The following URI1 variants were observed in gnomAD, a reference collection of about 807,000 sequenced individuals.
URI1 encodes the protein URI1 prefoldin like chaperone.
In URI1, 39 loss-of-function variants were observed where a neutral mutation model predicts 60.2. The observed-to-expected ratio is 0.65, with a 90% confidence interval of 0.50 to 0.85. URI1 has a LOEUF of 0.85. Ranked by LOEUF, URI1 falls within the 40% of genes least tolerant of loss-of-function variation. The pLI, the probability that URI1 is intolerant of heterozygous loss-of-function variation, is 0.00. For synonymous variants in URI1, 251 were observed against 236.8 expected (o/e 1.06, Z -0.55); for missense variants, 691 against 665.9 (o/e 1.04, Z -0.42).
chr19:29,940,593 G>A (rs1002197966), upstream of URI1, among the ~76,000 whole-genome samples: 2 of 151,994 alleles, frequency 1.3e-5, no homozygotes, highest in African/African-American at 4.8e-5. Context: ...AGGGTGCAGT[G>A]AGCCAAGATG....
intron 1 of URI1, among the ~76,000 whole-genome samples, chr19:29,926,086 CCTCTTTCT>C (rs757834584): frequency 4.0e-4 from 60 of 151,874 alleles, no homozygotes; most frequent in Non-Finnish European, 7.4e-4. Context: ...TTCCTTCCTT[CCTCTTTCT>C]CTCTTTCTTT....
intron 4 of URI1, among the ~76,000 whole-genome samples, chr19:29,997,915 C>T (rs571949557): frequency 3.3e-5 from 5 of 152,050 alleles, no homozygotes; most frequent in Non-Finnish European, 7.4e-5. Context: ...CAGGTGAGGG[C>T]TACCATGCCT....
At chr19:29,999,928 C>T (rs1417473923) in intron 4 of URI1, among the ~76,000 whole-genome samples, 1 of 151,368 alleles carries the variant, frequency 6.6e-6, no homozygotes, top group Non-Finnish European at 1.5e-5. Context: ...TTTTACTCTG[C>T]TCTTTTTATT....
At chr19:29,943,336 TTTCCTAGTGGG>T (rs2055056988) in intron 1 of URI1, among the ~76,000 whole-genome samples, 1 of 152,196 alleles carries the variant, frequency 6.6e-6, no homozygotes, top group Admixed American at 6.5e-5. Flanking sequence ...AAGTTTTGTG[TTTCCTAGTGGG>T]ACTTTATATA....
intron 4 of URI1, among the ~76,000 whole-genome samples, chr19:29,993,377 A>G (rs139563043): frequency 1.3e-5 from 2 of 152,310 alleles, no homozygotes; most frequent in African/African-American, 4.8e-5. Flanking sequence ...CAGAGAGTAA[A>G]ATGCACATAG....
intron 1 of URI1, among the ~76,000 whole-genome samples, chr19:29,950,421 T>C (rs1285353159): frequency 2.0e-5 from 3 of 152,260 alleles, no homozygotes; most frequent in Non-Finnish European, 4.4e-5. Context: ...GTCTGTCATA[T>C]GCAATTTTCC....
intron 1 of URI1, among the ~76,000 whole-genome samples, chr19:29,946,818 A>G (rs866587109): frequency 6.6e-6 from 1 of 152,352 alleles, no homozygotes; most frequent in South Asian, 2.1e-4. Flanking sequence ...ATGAGTATCT[A>G]CTACATGCCA....
intron 2 of URI1, 41 bp from the exon 3 acceptor site, chr19:29,985,178 GAAAA>G (rs753855664): frequency 5.0e-6 from 1 of 198,284 alleles, no homozygotes; most frequent in South Asian, 7.3e-5. Flanking sequence ...AAAAAAAAAA[GAAAA>G]ATCGTTAATA....
intron 2 of URI1, among the ~76,000 whole-genome samples, chr19:29,977,572 T>C (rs1280789445): frequency 1.2e-3 from 17 of 14,024 alleles, no homozygotes; most frequent in Non-Finnish European, 1.8e-3. Flanking sequence ...TTTTTTTTTT[T>C]TTTCCCTCCT....
At chr19:29,945,256 T>A (rs529767937) in intron 1 of URI1, among the ~76,000 whole-genome samples, 1 of 152,336 alleles carries the variant, frequency 6.6e-6, no homozygotes, top group South Asian at 2.1e-4. Flanking sequence ...GGGCATAATC[T>A]TCTCTGGGAG....
At chr19:29,925,347 G>A (rs2054856622) in intron 1 of URI1, among the ~76,000 whole-genome samples, 1 of 152,198 alleles carries the variant, frequency 6.6e-6, no homozygotes. Context: ...TTGGCATGCA[G>A]TAGATTCTAG....
intron 1 of URI1, among the ~76,000 whole-genome samples, chr19:29,969,179 TA>T (rs1023152667): frequency 1.1e-4 from 17 of 152,208 alleles, no homozygotes; most frequent in Non-Finnish European, 1.5e-5. Flanking sequence ...ATAAAGACTT[TA>T]AAATGTAAGG....
intron 1 of URI1, among the ~76,000 whole-genome samples, chr19:29,954,161 A>G (rs2055213874): frequency 6.6e-6 from 1 of 152,232 alleles, no homozygotes; most frequent in African/African-American, 2.4e-5. Flanking sequence ...TATATACAAA[A>G]TAGCTTCAGA....
intron 1 of URI1, among the ~76,000 whole-genome samples, chr19:29,944,193 A>ATATATATATATATATAT (rs2055074692): frequency 7.7e-5 from 9 of 116,820 alleles, no homozygotes; most frequent in Non-Finnish European, 1.4e-4. Context: ...ATATATATAT[A>ATATATATATATATATAT]AAACTTAACT....
At chr19:29,975,846 T>G (rs1260312580) in intron 2 of URI1, among the ~76,000 whole-genome samples, 1 of 152,164 alleles carries the variant, frequency 6.6e-6, no homozygotes, top group African/African-American at 2.4e-5. Flanking sequence ...TTTTACCAAT[T>G]TCTCATAAAT....
At chr19:29,997,857 C>T (rs187476602) in intron 4 of URI1, among the ~76,000 whole-genome samples, 43 of 152,206 alleles carry the variant, frequency 2.8e-4, no homozygotes, top group African/African-American at 1.0e-3. Context: ...TTCCATCTCC[C>T]GCGTTGAAGG....
At chr19:29,954,531 T>TTTTTTA (rs2055219380) in intron 1 of URI1, among the ~76,000 whole-genome samples, 1 of 148,764 alleles carries the variant, frequency 6.7e-6, no homozygotes, top group African/African-American at 2.5e-5. Context: ...TTTTTTTTTT[T>TTTTTTA]GAGACAGAGT....
intron 2 of URI1, among the ~76,000 whole-genome samples, chr19:29,984,196 T>TG (rs1415706367): frequency 6.6e-6 from 1 of 151,940 alleles, no homozygotes; most frequent in Non-Finnish European, 1.5e-5. Flanking sequence ...GAGGCTGCGG[T>TG]GGGGGGATCG....
At chr19:29,927,738 A>G (rs2054882104) in intron 1 of URI1, among the ~76,000 whole-genome samples, 1 of 151,232 alleles carries the variant, frequency 6.6e-6, no homozygotes, top group African/African-American at 2.4e-5. Context: ...CATCATGCCC[A>G]GCTAATTTTT....
Sources: allele counts gnomAD v4.1 joint callset (sites outside exome capture counted in the v4.1 genomes callset), GRCh38; gene constraint gnomAD v4.1.1; transcripts MANE v1.5; gene names NCBI Gene and HGNC (gene_info 2026-07-23, HGNC 2026-07-21).